The following RBFOX1 variants were observed in gnomAD, a reference collection of about 807,000 sequenced individuals.
The protein encoded by RBFOX1 is RNA binding protein fox-1 homolog 1.
RBFOX1 carries 8 observed loss-of-function variants against 57.7 expected under a neutral mutation model. The observed-to-expected ratio is 0.14, with a 90% confidence interval of 0.08 to 0.25. RBFOX1 has a LOEUF of 0.25. Among genes scored for constraint, RBFOX1 ranks in the 10% least tolerant of loss-of-function variants. The pLI, the probability that RBFOX1 is intolerant of heterozygous loss-of-function variation, is 1.00. For missense variants in RBFOX1, 611 were observed against 548.5 expected (o/e 1.11, Z -1.14); for synonymous variants, 326 against 222.4 (o/e 1.47, Z -4.15).
intron 4 of RBFOX1, among the ~76,000 whole-genome samples, chr16:7,175,506 T>A (rs2081483864): frequency 6.6e-6 from 1 of 152,180 alleles, no homozygotes; most frequent in South Asian, 2.1e-4. Flanking sequence ...TGCCTGGTCA[T>A]ACTCATTGAG....
intron 3 of RBFOX1, among the ~76,000 whole-genome samples, chr16:5,635,578 C>T (rs756698651): frequency 6.6e-6 from 1 of 152,216 alleles, no homozygotes; most frequent in Non-Finnish European, 1.5e-5. Flanking sequence ...TGTAAATAAG[C>T]GTTTTAGCCT....
intron 4 of RBFOX1, among the ~76,000 whole-genome samples, chr16:5,986,710 A>G (rs150343773): frequency 5.1e-4 from 77 of 152,348 alleles, no homozygotes; most frequent in Middle Eastern, 6.8e-3. Flanking sequence ...GTGTGTATCA[A>G]TATTTCACTC....
At chr16:7,668,670 A>ACG (rs2070296694) in intron 13 of RBFOX1, among the ~76,000 whole-genome samples, 1 of 151,850 alleles carries the variant, frequency 6.6e-6, no homozygotes, top group Non-Finnish European at 1.5e-5. Flanking sequence ...GAACACACAC[A>ACG]CACACACACA....
chr16:6,809,795 G>C (rs1170383464), intron 3 of RBFOX1, among the ~76,000 whole-genome samples: 1 of 151,830 alleles, frequency 6.6e-6, no homozygotes, highest in Non-Finnish European at 1.5e-5. Flanking sequence ...AAACACTTCA[G>C]CTGCCAAAAA....
At chr16:5,258,524 A>T (rs1270205151) in intron 1 of RBFOX1, among the ~76,000 whole-genome samples, 3 of 152,126 alleles carry the variant, frequency 2.0e-5, no homozygotes, top group African/African-American at 7.2e-5. Context: ...AATTGTGATT[A>T]TTTTTTTCTT....
chr16:5,427,921 C>T (rs530123925), intron 1 of RBFOX1, among the ~76,000 whole-genome samples: 7 of 152,228 alleles, frequency 4.6e-5, no homozygotes, highest in Non-Finnish European at 4.4e-5. Context: ...TTGATGTACA[C>T]AATTAACCAT....
intron 4 of RBFOX1, among the ~76,000 whole-genome samples, chr16:7,143,755 A>G (rs1383633562): frequency 3.3e-5 from 5 of 149,618 alleles, no homozygotes; most frequent in African/African-American, 7.4e-5. Flanking sequence ...GTTCATTTAT[A>G]CTATTTAGCA....
intron 2 of RBFOX1, among the ~76,000 whole-genome samples, chr16:5,488,110 GTGGTGA>G (rs2042695964): frequency 6.9e-6 from 1 of 144,066 alleles, no homozygotes; most frequent in African/African-American, 2.8e-5. Context: ...GATGGTGGTG[GTGGTGA>G]TGATGATGAT....
At chr16:6,425,233 A>G (rs1445674514) in intron 2 of RBFOX1, among the ~76,000 whole-genome samples, 1 of 152,174 alleles carries the variant, frequency 6.6e-6, no homozygotes, top group Non-Finnish European at 1.5e-5. Flanking sequence ...ATATGCAGAC[A>G]GGAAGGAGAG....
chr16:6,599,021 T>A (rs1417427697), intron 2 of RBFOX1, among the ~76,000 whole-genome samples: 1 of 152,110 alleles, frequency 6.6e-6, no homozygotes, highest in Non-Finnish European at 1.5e-5. Flanking sequence ...ACTGACAAGA[T>A]CTGTCTCATA....
At chr16:6,077,707 T>TATTTATTTATTTATTC (rs1158266835) in intron 1 of RBFOX1, among the ~76,000 whole-genome samples, 501 of 151,788 alleles carry the variant, frequency 3.3e-3, no homozygotes, top group Non-Finnish European at 5.5e-3. Context: ...TTTATTTATT[T>TATTTATTTATTTATTC]ATTCATTTAT....
At chr16:6,168,220 A>C (rs2096932018) in intron 1 of RBFOX1, among the ~76,000 whole-genome samples, 1 of 152,202 alleles carries the variant, frequency 6.6e-6, no homozygotes, top group Non-Finnish European at 1.5e-5. Flanking sequence ...CTCATAATCT[A>C]TTAGTTTAAT....
At chr16:6,551,744 G>A (rs972745232) in intron 2 of RBFOX1, among the ~76,000 whole-genome samples, 3 of 152,172 alleles carry the variant, frequency 2.0e-5, no homozygotes, top group African/African-American at 7.2e-5. Context: ...TTGATAATAA[G>A]GCAGCAGTTG....
chr16:5,419,758 G>T (rs1045106084), intron 1 of RBFOX1, among the ~76,000 whole-genome samples: 18 of 152,028 alleles, frequency 1.2e-4, no homozygotes, highest in African/African-American at 4.3e-4. Flanking sequence ...GCTTTCTCTG[G>T]CTGCCAGCAG....
At chr16:6,641,537 C>G (rs1053560577) in intron 2 of RBFOX1, among the ~76,000 whole-genome samples, 2 of 151,838 alleles carry the variant, frequency 1.3e-5, no homozygotes, top group African/African-American at 4.8e-5. Context: ...GAGTTTAAGA[C>G]AAGACCAGGC....
chr16:7,200,606 C>G lies in RBFOX1; in HGVS notation c.27+148508C>G, dbSNP rs181881248. On this transcript the variant is annotated intron_variant, in intron 4 of 15. Transcript: ENST00000550418. Reference sequence around the variant, plus strand: ...GTGACAGAAACTGCCAGCTGTCTACCCAGTATCCCTTTATGCCTTCTTTTA... The same window carrying G: ...GTGACAGAAACTGCCAGCTGTCTACGCAGTATCCCTTTATGCCTTCTTTTA... Among the ~76,000 whole-genome samples, 407 of 152,252 alleles carry G rather than the reference C, an allele frequency of 2.7e-3. 1 individual carries two copies. The highest frequency in any genetic ancestry group is 8.9e-3 in the South Asian group (43 of 4,808).
rs549844223 is a variant in RBFOX1, at chr16:5,509,759, C to T, written c.258+42505C>T. Among the ~76,000 whole-genome samples, 8 of 152,156 alleles carry T rather than the reference C, an allele frequency of 5.3e-5. No homozygotes were observed. In the East Asian group the frequency reaches 7.7e-4, roughly 15 times the overall value. On this transcript the variant is annotated intron_variant, in intron 2 of 2. Coordinates refer to the RBFOX1 transcript ENST00000585867. ...GCGTGGACGTTAAGGCCAAGATGGG[C>T]GCATACACAGGGGAGTGGATGGACC...
intron 1 of RBFOX1, among the ~76,000 whole-genome samples, chr16:5,267,039 T>C (rs1852669): frequency 1 from 151,829 of 151,900 alleles, 75,879 homozygotes; most frequent in Non-Finnish European, 1. Flanking sequence ...CAGGGGCCAC[T>C]GAGAGGAGCC....
At chr16:6,727,318 A>C (rs1017270253) in intron 3 of RBFOX1, among the ~76,000 whole-genome samples, 1 of 152,100 alleles carries the variant, frequency 6.6e-6, no homozygotes, top group Admixed American at 6.5e-5. Flanking sequence ...AGAAAAAAAA[A>C]CGCAATTGCT....
Sources: gnomAD v4.1 joint callset for allele counts (sites outside exome capture counted in the v4.1 genomes callset) on GRCh38, gnomAD v4.1.1 for gene constraint, MANE v1.5 for transcripts, NCBI Gene and HGNC (gene_info 2026-07-23, HGNC 2026-07-21) for gene names.